The following HTT variants were observed in gnomAD, a reference collection of about 807,000 sequenced individuals.
HTT encodes the protein huntingtin, also known as huntington disease protein.
A neutral mutation model predicts 362.3 loss-of-function variants in HTT; 104 were observed. The ratio of observed to expected loss-of-function variants is 0.29; its 90% CI spans 0.24 to 0.34. The LOEUF (loss-of-function observed/expected upper bound fraction) is 0.34, where lower values mean the gene tolerates loss of function less well. Ranked by LOEUF, HTT falls within the 10% of genes least tolerant of loss-of-function variation. HTT has a pLI of 1.00. For synonymous variants in HTT, 1,577 were observed against 1,548.7 expected, an observed-to-expected ratio of 1.02 and a Z score of -0.43; for missense variants, 3,301 against 3,928.6, an observed-to-expected ratio of 0.84 and a Z score of 4.27.
rs374017590 is a variant in HTT at position 3,178,472 on chromosome 4, G to A, written c.4612+26G>A. On this transcript the variant is annotated intron_variant, in intron 35 of 66. Transcript: ENST00000355072. ...GTAACGGGACACACCTTTCACTGTC[G>A]TCTTCGGTGTCGTGATGTGCTTGGC... 9.9e-6 allele frequency: 16 copies of A among 1,608,204 alleles called. No individual in the cohort carries two copies. In the South Asian group the frequency reaches 1.1e-4, roughly 11 times the overall value.
chr4:3,228,104 C>T lies in HTT; in HGVS notation c.7849-511C>T, dbSNP rs1258593837. ...GGGCACACAGCCCACAGCACTGTGC[C>T]AAGTGCTCGAGGCTTCCCGAGAACC... On this transcript the variant is annotated intron_variant, in intron 57 of 66. Coordinates refer to ENST00000355072, the MANE Select transcript of HTT (RefSeq NM_001388492.1). The surrounding 1 kb of genome is among the most constrained non-coding windows in gnomAD (Gnocchi z 4.3). Among the ~76,000 whole-genome samples, 1 of 152,180 alleles carries T rather than the reference C, an allele frequency of 6.6e-6. No homozygotes were observed. The highest frequency in any genetic ancestry group is 2.4e-5 in the African/African-American group (1 of 41,442).
At chr4:3,216,390 C>A (rs1377865910) in intron 51 of HTT, among the ~76,000 whole-genome samples, 6 of 152,206 alleles carry the variant, frequency 3.9e-5, no homozygotes, top group Non-Finnish European at 7.3e-5. Flanking sequence ...AGTGGCACCT[C>A]AGGCTGTGGA....
Position 3,186,705 on chromosome 4 carries a change from A to G in HTT, c.4975A>G (p.Thr1659Ala). ...CATGCTTTTACGGAGTATGTTCGTC[A>G]CTCCAAACACAATGGTGAGTCTCTC... is the stretch of plus-strand genomic sequence containing the variant. ...VDMLLRSMFVTPNTMASVSTV... is the reference protein window; with the variant it reads ...VDMLLRSMFVAPNTMASVSTV... The change falls in exon 38 of 67, where the codon ACT becomes GCT. Residue 1659 changes from threonine (T) to alanine (A), a missense_variant. Around this residue, in one of 4 missense-constraint regions of HTT, gnomAD observed 2,316 missense variants for 2,658.5 expected, o/e 0.87. Coordinates refer to ENST00000355072, the MANE Select transcript of HTT (RefSeq NM_001388492.1). 6.2e-7 allele frequency: 1 copy of G among 1,613,598 alleles called. No individual in the cohort carries two copies. Among genetic ancestry groups the G allele is most frequent in the Non-Finnish European group, 8.5e-7 (1 of 1,179,718 alleles).
At chr4:3,170,995 C>G (rs964381854) in intron 29 of HTT, among the ~76,000 whole-genome samples, 1 of 152,286 alleles carries the variant, frequency 6.6e-6, no homozygotes, top group Non-Finnish European at 1.5e-5. Flanking sequence ...GCTTTCTCAC[C>G]TTTTCCAGGG....
chr4:3,171,620 G>A lies in HTT; in HGVS notation c.3865-700G>A, dbSNP rs925856069. On this transcript the variant is annotated intron_variant, in intron 29 of 66. Transcript: ENST00000355072. ...AGCCTCTCAAGTAGCTGGGATTACA[G>A]GTGTGCGCCACCACGCCTGGCTAAT... is the stretch of plus-strand genomic sequence containing the variant. 2.6e-5 allele frequency among the ~76,000 whole-genome samples: 4 copies of A among 152,064 alleles called. No individual in the cohort carries two copies. In the South Asian group the frequency reaches 6.2e-4, roughly 24 times the overall value.
At position 3,148,490 on chromosome 4, in the gene HTT, A is replaced by G. The variant is rs111607543; in HGVS notation, c.3498+283A>G. Among the ~76,000 whole-genome samples, 94 of 152,218 alleles carry G rather than the reference A, an allele frequency of 6.2e-4. 2 individuals carry two copies. Among genetic ancestry groups the G allele is most frequent in the African/African-American group, 2.2e-3 (91 of 41,548 alleles). On this transcript the variant is annotated intron_variant, in intron 26 of 66. Transcript: ENST00000355072. ...AACATCACGAAACCCCCTCTCTACT[A>G]AAAATACAAAAAATTAGATGGGTTG...
chr4:3,185,158 GA>G (rs1718703755), intron 37 of HTT, among the ~76,000 whole-genome samples: 1 of 152,188 alleles, frequency 6.6e-6, no homozygotes, highest in Admixed American at 6.5e-5. Context: ...GCCAGAGGAG[GA>G]GAGGAGTCGG....
At chr4:3,178,514 T>C (rs557513730) in intron 35 of HTT, 68 bp downstream of exon 35, 6 of 1,435,024 alleles carry the variant, frequency 4.2e-6, no homozygotes, top group African/African-American at 2.8e-5. Context: ...CGTTTTCATA[T>C]ACCCACTTTG....
At chr4:3,088,673 A>G (rs528199970) in intron 2 of HTT, among the ~76,000 whole-genome samples, 1 of 151,628 alleles carries the variant, frequency 6.6e-6, no homozygotes, top group South Asian at 2.1e-4. Flanking sequence ...GTCCCTTTCT[A>G]CTTTCTGTCT....
In HTT at chr4:3,154,382, A is replaced by G. The variant is rs759146717; in HGVS notation, c.3588A>G (p.Val1196=). The change falls in exon 27 of 67, where the codon GTA becomes GTG. Residue 1196 remains valine, a synonymous_variant. Coordinates refer to ENST00000355072, the MANE Select transcript of HTT (RefSeq NM_001388492.1). ...KEKEPGEQAS[V]PLSPKKGSEA... ...AAGAACCAGGAGAACAAGCATCTGT[A>G]CCGTTGAGTCCCAAGAAAGGCAGTG... The G allele has an allele frequency of 3.7e-6, 6 of 1,614,028 alleles. No individual in the cohort carries two copies. Among genetic ancestry groups the G allele is most frequent in the South Asian group, 1.1e-5 (1 of 91,050 alleles).
intron 48 of HTT, 124 bp from the exon 49 acceptor site, chr4:3,212,440 A>T: frequency 8.0e-7 from 1 of 1,243,844 alleles, no homozygotes; most frequent in Non-Finnish European, 1.1e-6. Context: ...GGATGTGTAG[A>T]TGTGCCACTG....
At chr4:3,162,162 C>T (rs1053603149) in intron 29 of HTT, among the ~76,000 whole-genome samples, 2 of 152,150 alleles carry the variant, frequency 1.3e-5, no homozygotes, top group African/African-American at 4.8e-5. Flanking sequence ...TTTCCCAACA[C>T]CATTTATTAA....
rs546483313 is a variant in HTT at position 3,144,702 on chromosome 4, C to G, written c.3067-450C>G. Among the ~76,000 whole-genome samples, 575 of 152,220 alleles carry G rather than the reference C, an allele frequency of 3.8e-3. 2 individuals are homozygous for G. Among genetic ancestry groups the G allele is most frequent in the Non-Finnish European group, 5.0e-3 (339 of 68,016 alleles). On this transcript the variant is annotated intron_variant, in intron 23 of 66. Coordinates refer to ENST00000355072, the MANE Select transcript of HTT (RefSeq NM_001388492.1). ...TTGGGCTGTCTGCAGTATGGTCTTC[C>G]CTTGATTTGTTCAAAATATCGTAAA...
chr4:3,155,942 C>G (rs570009326), intron 27 of HTT, among the ~76,000 whole-genome samples: 36 of 151,556 alleles, frequency 2.4e-4, no homozygotes, highest in Non-Finnish European at 4.6e-4. Context: ...TGTGGAATGG[C>G]TAATTAACCT....
chr4:3,154,242 C>A, intron 26 of HTT, 51 bp from the exon 27 acceptor site: 1 of 1,386,280 alleles, frequency 7.2e-7, no homozygotes, highest in Non-Finnish European at 9.9e-7. Context: ...TGTTATACTT[C>A]CATCACATGT....
In HTT at chr4:3,140,514, G is replaced by C. The variant is rs765962850; in HGVS notation, c.2803G>C (p.Val935Leu). The change falls in exon 22 of 67, where the codon GTC (valine) becomes CTC (leucine). Residue 935 changes from valine (V) to leucine (L), a missense_variant. Physicochemically the swap from Val to Leu is conservative, Grantham distance 32. Coordinates refer to ENST00000355072, the MANE Select transcript of HTT (RefSeq NM_001388492.1). ...HVAAASLIRL[V>L]PKLFYKCDQG... The stretch of plus-strand genomic sequence containing the variant: ...TTAACCTTACTTTTGTGTTAGGCTT[G>C]TCCCAAAGCTGTTTTATAAATGTGA... 5 of 1,614,080 alleles carry C rather than the reference G, an allele frequency of 3.1e-6. No homozygotes were observed. Among genetic ancestry groups the C allele is most frequent in the Non-Finnish European group, 4.2e-6 (5 of 1,179,974 alleles).
chr4:3,124,585 A>G (rs1004484352), intron 10 of HTT, among the ~76,000 whole-genome samples: 1 of 152,306 alleles, frequency 6.6e-6, no homozygotes, highest in Non-Finnish European at 1.5e-5. Flanking sequence ...TCTGTGGAAC[A>G]TATTTGCAAA....
At chr4:3,184,575 G>T (rs1718674069) in intron 37 of HTT, among the ~76,000 whole-genome samples, 1 of 152,160 alleles carries the variant, frequency 6.6e-6, no homozygotes, top group Non-Finnish European at 1.5e-5. Flanking sequence ...CTTAGATGTG[G>T]CATGTGAGAG....
At chr4:3,140,362 T>C (rs1253631918) in intron 21 of HTT, 148 bp from the exon 22 acceptor site, 2 of 638,062 alleles carry the variant, frequency 3.1e-6, no homozygotes, top group Non-Finnish European at 5.4e-6. Context: ...GTCACGTGCT[T>C]GAAGAACGCC....
Sources: gnomAD v4.1 joint callset for allele counts (sites outside exome capture counted in the v4.1 genomes callset) on GRCh38, gnomAD v4.1.1 for gene constraint, gnomAD v4.1.1 regional missense constraint, Gnocchi (gnomAD v3.1) non-coding constraint, MANE v1.5 for transcripts, NCBI Gene and HGNC (gene_info 2026-07-23, HGNC 2026-07-21) for gene names.